Variants in SGCD observed in about 807,000 individuals in gnomAD.
SGCD encodes sarcoglycan delta.
In SGCD, 18 loss-of-function variants were observed where a neutral mutation model predicts 36.6. The observed-to-expected ratio is 0.49, with a 90% CI of 0.34 to 0.73. SGCD has a LOEUF of 0.73. SGCD is among the 30% of genes least tolerant of loss of function. The probability of loss-of-function intolerance (pLI) is 0.01; values close to 1 mark genes in which losing one functional copy is unlikely to be tolerated. For synonymous variants in SGCD, 133 were observed against 130.6 expected, an observed-to-expected ratio of 1.02 and a Z score of -0.12; for missense variants, 387 against 346.7, an observed-to-expected ratio of 1.12 and a Z score of -0.92.
intron 3 of SGCD, among the ~76,000 whole-genome samples, chr5:156,437,590 A>G (rs1208497169): frequency 3.3e-5 from 5 of 152,182 alleles, no homozygotes; most frequent in Admixed American, 1.3e-4. Context: ...TGATTGAACA[A>G]TGCAAACAGT....
chr5:155,732,661 G>A, the SGCD span, among the ~76,000 whole-genome samples: 2 of 152,166 alleles, frequency 1.3e-5, no homozygotes, highest in Non-Finnish European at 2.9e-5. Flanking sequence ...TTACATCTTA[G>A]TCAAAACACA....
intron 3 of SGCD, among the ~76,000 whole-genome samples, chr5:156,375,232 T>C (rs1023228356): frequency 3.9e-5 from 6 of 152,198 alleles, no homozygotes; most frequent in Non-Finnish European, 7.3e-5. Flanking sequence ...GGTAATTTGC[T>C]TTTAAATACT....
At chr5:156,651,231 A>C (rs1321903823) in intron 7 of SGCD, among the ~76,000 whole-genome samples, 2 of 152,034 alleles carry the variant, frequency 1.3e-5, no homozygotes, top group African/African-American at 4.8e-5. Context: ...TAGTTTGATA[A>C]TATTTTCTTC....
rs774817958 is a variant in SGCD at position 156,415,747 on chromosome 5, C to G, written c.192+71070C>G. 3.3e-5 allele frequency among the ~76,000 whole-genome samples: 5 copies of G among 152,122 alleles called. 1 individual carries two copies. Among genetic ancestry groups the G allele is most frequent in the Non-Finnish European group, 7.4e-5 (5 of 68,026 alleles). On this transcript the variant is annotated intron_variant, in intron 3 of 8. Coordinates refer to ENST00000337851, the MANE Select transcript of SGCD (RefSeq NM_000337.6). Reference sequence around the variant, plus strand: ...TCTGCTTGATTCCAGAATGCCAAGCCAAATATTTCTCCCACCTGTTAACAT... The same window carrying G: ...TCTGCTTGATTCCAGAATGCCAAGCGAAATATTTCTCCCACCTGTTAACAT...
At chr5:156,074,097 G>T (rs1300896383) in intron 1 of SGCD, among the ~76,000 whole-genome samples, 1 of 152,194 alleles carries the variant, frequency 6.6e-6, no homozygotes, top group Non-Finnish European at 1.5e-5. Context: ...TTATTTTCTT[G>T]AAGGCCTCAA....
intron 3 of SGCD, among the ~76,000 whole-genome samples, chr5:156,237,421 T>C (rs1468547801): frequency 6.6e-6 from 1 of 151,908 alleles, no homozygotes; most frequent in African/African-American, 2.4e-5. Context: ...GGTTGGGAGT[T>C]CTAGACCAGC....
chr5:156,560,111 A>G (rs556922780), intron 4 of SGCD, among the ~76,000 whole-genome samples: 2 of 152,160 alleles, frequency 1.3e-5, no homozygotes, highest in African/African-American at 4.8e-5. Context: ...ATGGTTAGCT[A>G]TTTCTGTCAG....
At chr5:156,560,004 T>C (rs1035762226) in intron 4 of SGCD, among the ~76,000 whole-genome samples, 2 of 152,226 alleles carry the variant, frequency 1.3e-5, no homozygotes, top group Admixed American at 1.3e-4. Flanking sequence ...GAAGTTTCCA[T>C]AAAAAGCTAC....
intron 7 of SGCD, among the ~76,000 whole-genome samples, chr5:156,685,631 A>G (rs560633031): frequency 4.5e-4 from 68 of 152,290 alleles, no homozygotes; most frequent in African/African-American, 1.6e-3. Flanking sequence ...ACCCTTCCTA[A>G]GCTTACCTCA....
At chr5:156,162,623 C>G (rs1201104478) in intron 3 of SGCD, among the ~76,000 whole-genome samples, 1 of 151,602 alleles carries the variant, frequency 6.6e-6, no homozygotes, top group Non-Finnish European at 1.5e-5. Context: ...GTACTCATCA[C>G]CATTCCCCCA....
At chr5:156,688,327 C>T (rs566053034) in intron 7 of SGCD, among the ~76,000 whole-genome samples, 93 of 152,140 alleles carry the variant, frequency 6.1e-4, no homozygotes, top group African/African-American at 2.1e-3. Context: ...TATCTGAATG[C>T]ATTTATCCAC....
At chr5:156,651,552 AG>A (rs1340418940) in intron 7 of SGCD, among the ~76,000 whole-genome samples, 1 of 152,150 alleles carries the variant, frequency 6.6e-6, no homozygotes, top group Non-Finnish European at 1.5e-5. Flanking sequence ...TTTATTGAAT[AG>A]GGAATCCTTT....
intron 7 of SGCD, among the ~76,000 whole-genome samples, chr5:156,648,632 C>T (rs564588030): frequency 6.6e-6 from 1 of 152,214 alleles, no homozygotes; most frequent in South Asian, 2.1e-4. Flanking sequence ...AACAAAATCC[C>T]ACATAGAGTG....
the SGCD span, among the ~76,000 whole-genome samples, chr5:155,825,895 C>A: frequency 6.6e-5 from 10 of 152,080 alleles, no homozygotes; most frequent in South Asian, 2.1e-3. Context: ...ATTACAGGCA[C>A]CTGCCACCAC....
rs115196787 is a variant in SGCD at position 156,050,161 on chromosome 5, A to G, written c.-281-67717A>G. On this transcript the variant is annotated intron_variant, in intron 1 of 9. Coordinates refer to the SGCD transcript ENST00000517913. ...ACTCTCAATCAGCATCGCATGCCAT[A>G]GAGAAATCTTTCACGAAAAGAAGAA... Among the ~76,000 whole-genome samples the G allele has an allele frequency of 4.1e-3, 600 of 146,808 alleles. 38 individuals are homozygous for G. The highest frequency in any genetic ancestry group is 0.014 in the African/African-American group (569 of 40,824).
the SGCD span, among the ~76,000 whole-genome samples, chr5:155,842,029 G>C: frequency 6.6e-6 from 1 of 152,066 alleles, no homozygotes; most frequent in African/African-American, 2.4e-5. Context: ...TAGGAGCTTG[G>C]GCTGTGGGGA....
At chr5:156,713,420 G>A (rs565505313) in intron 7 of SGCD, among the ~76,000 whole-genome samples, 14 of 149,238 alleles carry the variant, frequency 9.4e-5, no homozygotes, top group Non-Finnish European at 1.6e-4. Flanking sequence ...CGGGGGGGGC[G>A]TTATAGGAGG....
chr5:156,077,643 G>A (rs900630980), intron 1 of SGCD, among the ~76,000 whole-genome samples: 18 of 152,052 alleles, frequency 1.2e-4, no homozygotes, highest in African/African-American at 3.9e-4. Context: ...GTACTAGGTC[G>A]AGAATCTCCT....
At chr5:156,359,084 T>C (rs1157594247) in intron 3 of SGCD, among the ~76,000 whole-genome samples, 3 of 152,240 alleles carry the variant, frequency 2.0e-5, no homozygotes, top group Non-Finnish European at 4.4e-5. Context: ...AGTTGGTTTC[T>C]TAAGGACTAT....
Sources: gnomAD v4.1 joint callset for allele counts (sites outside exome capture counted in the v4.1 genomes callset) on GRCh38, gnomAD v4.1.1 for gene constraint, MANE v1.5 for transcripts, NCBI Gene and HGNC (gene_info 2026-07-23, HGNC 2026-07-21) for gene names.